Variants in VEGFB observed in about 807,000 individuals in gnomAD.
VEGFB encodes the protein vascular endothelial growth factor B, also known as VEGF-related factor.
Under a neutral mutation model 22.5 loss-of-function variants are expected in VEGFB, and 24 were observed. That is an observed-to-expected ratio of 1.07 (90% CI 0.77 to 1.50). The LOEUF is 1.50. VEGFB is among the 40% of genes most tolerant of loss of function. The pLI, the probability that VEGFB is intolerant of heterozygous loss-of-function variation, is 0.00. For synonymous variants in VEGFB, 141 were observed against 117.4 expected, an observed-to-expected ratio of 1.20 and a Z score of -1.30; for missense variants, 327 against 287.8, an observed-to-expected ratio of 1.14 and a Z score of -0.99.
chr11:64,236,441 C>A, intron 4 of VEGFB, 114 bp downstream of exon 4: 2 of 1,037,472 alleles, frequency 1.9e-6, no homozygotes, highest in South Asian at 2.8e-5. Context: ...AGGGGCCGGG[C>A]GTGGTAGCTC....
At chr11:64,237,777 A>C in intron 6 of VEGFB, 122 bp downstream of exon 6, 1 of 939,662 alleles carries the variant, frequency 1.1e-6, no homozygotes. Context: ...GAATGTGTTG[A>C]ACAAATATTT....
At chr11:64,235,679 G>A (rs940232496) in intron 2 of VEGFB, 134 bp from the exon 3 acceptor site, 1 of 1,279,414 alleles carries the variant, frequency 7.8e-7, no homozygotes, top group Admixed American at 2.0e-5. Flanking sequence ...ACAGGGCAGG[G>A]GAAGACAGGT....
At position 64,237,080 on chromosome 11, in the gene VEGFB, TCTCAA is replaced by T. The variant is rs1285807184; in HGVS notation, c.375-106_375-102del. The T allele has an allele frequency of 2.8e-5, 20 of 705,008 alleles. No individual in the cohort carries two copies. In the African/African-American group the frequency reaches 5.5e-4, roughly 19 times the overall value. The allele number at this position is 705,008 out of a possible 1,614,324, so 43.7% of individuals were successfully genotyped here. ...CCTGGGCAAGAAGAGGGAAACACAG[TCTCAA>T]AGAGAGAGAGAGAGAGAGAGAGAGA... On this transcript the variant is annotated intron_variant, in intron 4 of 6. Coordinates refer to ENST00000309422, the MANE Select transcript of VEGFB (RefSeq NM_003377.5).
At chr11:64,238,262 C>T in intron 6 of VEGFB, 94 bp from the exon 7 acceptor site, 1 of 1,474,636 alleles carries the variant, frequency 6.8e-7, no homozygotes, top group Non-Finnish European at 9.1e-7. Flanking sequence ...GCAGGATGCT[C>T]AGGTTGTGAT....
At position 64,236,308 on chromosome 11, in the gene VEGFB, C is replaced by T. The variant is rs754761211; in HGVS notation, c.355C>T (p.His119Tyr). 6.2e-7 allele frequency: 1 copy of T among 1,613,828 alleles called. No homozygotes were observed. The highest frequency in any genetic ancestry group is 1.1e-5 in the South Asian group (1 of 91,086). Residue 119 changes from histidine to tyrosine, a missense_variant, in exon 4 of 7, where the codon CAC (histidine) becomes TAC (tyrosine). By Grantham distance (83) the His-to-Tyr change is moderately conservative. Transcript: ENST00000309422. Reference protein sequence around the residue: ...SQLGEMSLEEHSQCECRPKKK... With the variant: ...SQLGEMSLEEYSQCECRPKKK... ...GCTGGGGGAGATGTCCCTGGAAGAA[C>T]ACAGCCAGTGTGAATGCAGGTGCCA...
rs2030258006 is a variant in VEGFB, at chr11:64,238,454, T to TA, written c.*127dup. ...AGTGGGGGAACAAAGAGGAGCCTGGTAAAAAACAGCCAAGCCCCCAAGACC... is the reference window on the plus strand; with the variant it reads ...AGTGGGGGAACAAAGAGGAGCCTGGTAAAAAAACAGCCAAGCCCCCAAGACC... On this transcript the variant is annotated 3_prime_UTR_variant, in exon 7 of 7. Transcript: ENST00000309422. 10 of 1,526,572 alleles carry TA rather than the reference T, an allele frequency of 6.6e-6. No individual in the cohort carries two copies. In the East Asian group the frequency reaches 7.3e-5, roughly 11 times the overall value. 94.6% of individuals were successfully genotyped at this position (1,526,572 alleles called of 1,614,324 possible). A position where few individuals can be genotyped will look rare whatever the true frequency, so the allele number is the denominator to read the frequency against.
In VEGFB at chr11:64,236,313, C is replaced by T; in HGVS notation, c.360C>T (p.Ser120=). Residue 120 remains serine, a synonymous_variant, in exon 4 of 7, where the codon AGC becomes AGT. Coordinates refer to ENST00000309422, the MANE Select transcript of VEGFB (RefSeq NM_003377.5). ...QLGEMSLEEH[S]QCECRPKKKD... ...GGGAGATGTCCCTGGAAGAACACAG[C>T]CAGTGTGAATGCAGGTGCCAGCCAG... The T allele has an allele frequency of 6.2e-7, 1 of 1,613,748 alleles. No homozygotes were observed. Among genetic ancestry groups the T allele is most frequent in the South Asian group, 1.1e-5 (1 of 91,090 alleles).
In VEGFB at chr11:64,235,642, G is replaced by A. The variant is rs998707174; in HGVS notation, c.103+142G>A. The A allele has an allele frequency of 8.0e-6, 10 of 1,253,230 alleles. No homozygotes were observed. In the African/African-American group the frequency reaches 1.5e-4, roughly 19 times the overall value. The allele number at this position is 1,253,230 out of a possible 1,614,324, so 77.6% of individuals were successfully genotyped here. A position where few individuals can be genotyped will look rare whatever the true frequency, so the allele number is the denominator to read the frequency against. On this transcript the variant is annotated intron_variant, in intron 2 of 6. Transcript: ENST00000309422. Reference sequence around the variant, plus strand: ...CCATTTCACAGAGGAGGAAATTGAGGCAGTGGGGTTACTGGGATCTGGATA... The same window carrying A: ...CCATTTCACAGAGGAGGAAATTGAGACAGTGGGGTTACTGGGATCTGGATA...
rs373389669 is a variant in VEGFB at position 64,237,554 on chromosome 11, C to T, written c.545C>T (p.Thr182Ile). 67 of 1,603,438 alleles carry T rather than the reference C, an allele frequency of 4.2e-5. No homozygotes were observed. Among genetic ancestry groups the T allele is most frequent in the Non-Finnish European group, 5.5e-5 (65 of 1,177,824 alleles). The stretch of plus-strand genomic sequence containing the variant: ...CCCTCTGCCCACGCTGCACCCAGCA[C>T]CACCAGCGCCCTGACCCCCGGACCT... ...PGPSAHAAPSTTSALTPGPAA... is the reference protein window; with the variant it reads ...PGPSAHAAPSITSALTPGPAA... The change falls in exon 6 of 7, where the codon ACC becomes ATC. Residue 182 changes from threonine to isoleucine, a missense_variant. Transcript: ENST00000309422.
At chr11:64,235,637 T>C in intron 2 of VEGFB, 137 bp downstream of exon 2, 1 of 1,266,316 alleles carries the variant, frequency 7.9e-7, no homozygotes. Context: ...GAGGAGGAAA[T>C]TGAGGCAGTG....
rs1027333488 is a variant in VEGFB, at chr11:64,239,005, A to G, written c.*672A>G. On this transcript the variant is annotated 3_prime_UTR_variant, in exon 7 of 7. Coordinates refer to ENST00000309422, the MANE Select transcript of VEGFB (RefSeq NM_003377.5). ...ATGGGAGTCAGGGATAGCCCAGTCA[A>G]TACAGACTGCCTGCCCTCCTGCTCT... Among the ~76,000 whole-genome samples the G allele has an allele frequency of 6.6e-5, 10 of 152,200 alleles. No homozygotes were observed. Among genetic ancestry groups the G allele is most frequent in the African/African-American group, 2.4e-4 (10 of 41,454 alleles).
intron 2 of VEGFB, 130 bp downstream of exon 2, chr11:64,235,630 G>A: frequency 1.6e-6 from 2 of 1,262,690 alleles, no homozygotes; most frequent in Non-Finnish European, 2.3e-6. Context: ...TTTCACAGAG[G>A]AGGAAATTGA....
intron 5 of VEGFB, 36 bp downstream of exon 5, chr11:64,237,258 G>C (rs1292202637): frequency 2.5e-6 from 4 of 1,592,424 alleles, no homozygotes; most frequent in East Asian, 4.5e-5. Flanking sequence ...TAGGGGTATG[G>C]GGAGTACAAG....
chr11:64,237,107 GA>G (rs2030127341), intron 4 of VEGFB, 79 bp from the exon 5 acceptor site: 2 of 830,028 alleles, frequency 2.4e-6, no homozygotes, highest in Non-Finnish European at 3.7e-6. Flanking sequence ...GAGAGAGAGA[GA>G]GAGAGAGAGA....
intron 3 of VEGFB, 26 bp from the exon 4 acceptor site, chr11:64,236,228 C>T (rs751028359): frequency 3.8e-5 from 60 of 1,597,498 alleles, no homozygotes; most frequent in African/African-American, 1.3e-5. Context: ...CCCTCACTGT[C>T]CCCCCTGTTC....
rs199596813 is a variant in VEGFB, at chr11:64,237,480, C to T, written c.471C>T (p.Pro157=). Reference sequence around the variant, plus strand: ...CTGTTCCGGGCTGGGACTCTGCCCCCGGAGCACCCTCCCCAGCTGACATCA... The same window carrying T: ...CTGTTCCGGGCTGGGACTCTGCCCCTGGAGCACCCTCCCCAGCTGACATCA... The part of the protein sequence containing the change: ...PRSVPGWDSA[P]GAPSPADITH... Residue 157 remains proline (P), a synonymous_variant, in exon 6 of 7, where the codon CCC becomes CCT. Transcript: ENST00000309422. The T allele has an allele frequency of 9.5e-5, 153 of 1,612,346 alleles. No individual in the cohort carries two copies. The African/African-American group carries it at 1.6e-3, about 17-fold the overall frequency.
rs145336015 is a variant in VEGFB, at chr11:64,237,467, G to C, written c.458G>C (p.Trp153Ser). ...CCCCAGCCCCGTTCTGTTCCGGGCT[G>C]GGACTCTGCCCCCGGAGCACCCTCC... ...HRPQPRSVPG[W>S]DSAPGAPSPA... The change falls in exon 6 of 7, where the codon TGG becomes TCG. Residue 153 changes from tryptophan (W) to serine (S), a missense_variant. Coordinates refer to ENST00000309422, the MANE Select transcript of VEGFB (RefSeq NM_003377.5). The C allele has an allele frequency of 3.7e-6, 6 of 1,611,812 alleles. No homozygotes were observed. The African/African-American group carries it at 6.7e-5, about 18-fold the overall frequency.
At position 64,238,527 on chromosome 11, in the gene VEGFB, C is replaced by T; in HGVS notation, c.*194C>T. The T allele has an allele frequency of 1.1e-6, 1 of 886,052 alleles. No homozygotes were observed. Among genetic ancestry groups the T allele is most frequent in the South Asian group, 1.6e-5 (1 of 63,622 alleles). The allele number at this position is 886,052 out of a possible 1,614,324, so 54.9% of individuals were successfully genotyped here. On this transcript the variant is annotated 3_prime_UTR_variant, in exon 7 of 7. Transcript: ENST00000309422. Reference sequence around the variant, plus strand: ...TAGGACCTGGGCCTCTCAGAGGGCTCTTCTGCCATCCCTTGTCTCCCTGAG... The same window carrying T: ...TAGGACCTGGGCCTCTCAGAGGGCTTTTCTGCCATCCCTTGTCTCCCTGAG...
In VEGFB at chr11:64,237,346, T is replaced by C. The variant is rs1591081801; in HGVS notation, c.411-74T>C. On this transcript the variant is annotated intron_variant, in intron 5 of 6. Coordinates refer to ENST00000309422, the MANE Select transcript of VEGFB (RefSeq NM_003377.5). Reference sequence around the variant, plus strand: ...CCTTTTCCTCTGCTCCCCAAGCCTGTGTTCTCTGCCCCGACCCCAGCTCTA... The same window carrying C: ...CCTTTTCCTCTGCTCCCCAAGCCTGCGTTCTCTGCCCCGACCCCAGCTCTA... The C allele has an allele frequency of 2.6e-6, 4 of 1,516,350 alleles. No individual in the cohort carries two copies. The East Asian group carries it at 9.1e-5, about 35-fold the overall frequency. The allele number at this position is 1,516,350 out of a possible 1,614,324, so 93.9% of individuals were successfully genotyped here. A position where few individuals can be genotyped will look rare whatever the true frequency, so the allele number is the denominator to read the frequency against.
Sources: gnomAD v4.1 joint callset for allele counts (sites outside exome capture counted in the v4.1 genomes callset) on GRCh38, gnomAD v4.1.1 for gene constraint, MANE v1.5 for transcripts, NCBI Gene and HGNC (gene_info 2026-07-23, HGNC 2026-07-21) for gene names.